Variants in GLCE observed in about 807,000 individuals in gnomAD.
GLCE encodes the protein glucuronic acid epimerase, also known as D-glucuronyl C5-epimerase.
In GLCE, 19 loss-of-function variants were observed where a neutral mutation model predicts 47.9. The observed-to-expected ratio is 0.40, with a 90% CI of 0.28 to 0.58. The LOEUF (loss-of-function observed/expected upper bound fraction) is 0.58, where lower values mean the gene tolerates loss of function less well. Among genes scored for constraint, GLCE ranks in the 20% least tolerant of loss-of-function variants. The pLI is 0.48. For missense variants in GLCE, 556 were observed against 743.3 expected (o/e 0.75, Z 2.93); for synonymous variants, 245 against 263.4 (o/e 0.93, Z 0.68).
chr15:69,182,136 T>G (rs139254780), intron 1 of GLCE, among the ~76,000 whole-genome samples: 2 of 151,942 alleles, frequency 1.3e-5, no homozygotes, highest in African/African-American at 4.8e-5. Flanking sequence ...AAAGTTGAAA[T>G]AGTTATGTAA....
At chr15:69,223,690 A>G (rs2052407475) in intron 2 of GLCE, among the ~76,000 whole-genome samples, 1 of 150,040 alleles carries the variant, frequency 6.7e-6, no homozygotes, top group Non-Finnish European at 1.5e-5. Flanking sequence ...TCCTTTCAAA[A>G]CTCCCACAAT....
intron 2 of GLCE, among the ~76,000 whole-genome samples, chr15:69,230,200 T>TC (rs567521023): frequency 1.3e-4 from 16 of 126,636 alleles, no homozygotes; most frequent in African/African-American, 4.5e-4. Flanking sequence ...AGAGAGAAAC[T>TC]CCATCTCGAT....
intron 1 of GLCE, among the ~76,000 whole-genome samples, chr15:69,186,807 T>C (rs1169922760): frequency 3.9e-5 from 6 of 152,220 alleles, no homozygotes. Context: ...CTTTAGGGCT[T>C]TGTGTAGCTT....
chr15:69,233,169 G>A (rs2052548364), intron 2 of GLCE, among the ~76,000 whole-genome samples: 1 of 152,098 alleles, frequency 6.6e-6, no homozygotes, highest in South Asian at 2.1e-4. Context: ...TTTCAGAAAA[G>A]TATGTTCAAG....
chr15:69,175,505 A>C (rs545251238), intron 1 of GLCE, among the ~76,000 whole-genome samples: 1 of 152,346 alleles, frequency 6.6e-6, no homozygotes, highest in Admixed American at 6.5e-5. Flanking sequence ...AGTTTAATGA[A>C]TAAAATAGAA....
rs74411419 is a variant in GLCE, at chr15:69,221,351, A to T, written c.-14+10945A>T. Among the ~76,000 whole-genome samples, 1,521 of 152,272 alleles carry T rather than the reference A, an allele frequency of 1.0e-2. 22 individuals are homozygous for T. Among genetic ancestry groups the T allele is most frequent in the African/African-American group, 0.032 (1,344 of 41,546 alleles). ...TGCTTTGTGTAGTGCTGACATTTTA[A>T]CAATATTATGTCTTCCAATCCATGA... On this transcript the variant is annotated intron_variant, in intron 2 of 4. Coordinates refer to ENST00000261858, the MANE Select transcript of GLCE (RefSeq NM_015554.3).
At chr15:69,264,346 A>AT (rs570572233) in intron 4 of GLCE, among the ~76,000 whole-genome samples, 37 of 152,172 alleles carry the variant, frequency 2.4e-4, no homozygotes, top group Admixed American at 5.2e-4. Flanking sequence ...TATGGCTAAT[A>AT]TTCTATTCTA....
chr15:69,233,236 A>T lies in GLCE; in HGVS notation c.-13-22558A>T, dbSNP rs114084505. Among the ~76,000 whole-genome samples the T allele has an allele frequency of 4.7e-3, 714 of 152,306 alleles. 8 individuals carry two copies. Among genetic ancestry groups the T allele is most frequent in the African/African-American group, 0.016 (668 of 41,570 alleles). ...ACCTCTAAGGATTTAGGTGTAAAGT[A>T]TGTGAAAAACATGTAAAAGATTCCA... On this transcript the variant is annotated intron_variant, in intron 2 of 4. Coordinates refer to ENST00000261858, the MANE Select transcript of GLCE (RefSeq NM_015554.3).
At chr15:69,220,355 T>C (rs925805869) in intron 2 of GLCE, among the ~76,000 whole-genome samples, 4 of 152,152 alleles carry the variant, frequency 2.6e-5, no homozygotes, top group Non-Finnish European at 5.9e-5. Flanking sequence ...TTATTTTTCT[T>C]TCTTTTATAC....
chr15:69,265,428 G>A (rs1202873775), intron 4 of GLCE, among the ~76,000 whole-genome samples: 2 of 152,118 alleles, frequency 1.3e-5, no homozygotes, highest in African/African-American at 4.8e-5. Context: ...AACGTCCTCT[G>A]TATATCTATA....
chr15:69,270,812 G>C lies in GLCE; in HGVS notation c.*1568G>C, dbSNP rs2053157589. On this transcript the variant is annotated 3_prime_UTR_variant, in exon 5 of 5. Coordinates refer to ENST00000261858, the MANE Select transcript of GLCE (RefSeq NM_015554.3). ...AGACTGGCCATAGAAAAGTAAGCTT[G>C]AACTCCCAATTGATGTGACCACACT... is the stretch of plus-strand genomic sequence containing the variant. The C allele has an allele frequency of 7.1e-6, 1 of 141,642 alleles. No homozygotes were observed. The highest frequency in any genetic ancestry group is 1.6e-5 in the Non-Finnish European group (1 of 63,240). 8.8% of individuals were successfully genotyped at this position (141,642 alleles called of 1,614,324 possible).
chr15:69,235,378 G>A (rs903918433), intron 2 of GLCE, among the ~76,000 whole-genome samples: 24 of 144,064 alleles, frequency 1.7e-4, no homozygotes, highest in Non-Finnish European at 2.8e-4. Context: ...AAAGTGCTGG[G>A]ATTACAGGTA....
At chr15:69,186,524 T>C (rs1398195919) in intron 1 of GLCE, among the ~76,000 whole-genome samples, 1 of 152,174 alleles carries the variant, frequency 6.6e-6, no homozygotes, top group Non-Finnish European at 1.5e-5. Flanking sequence ...AATAGTAAAC[T>C]GTAGGCAGTT....
In GLCE at chr15:69,196,637, G is replaced by T; in HGVS notation, c.-104-13679G>T. ...TGCCCGGCCATCAAAAGTTGGCAAC[G>T]ACCAATTGAGAGCAATCATCGAAGC... On this transcript the variant is annotated intron_variant, in intron 1 of 4. Transcript: ENST00000261858. The T allele has an allele frequency of 1.9e-5, 3 of 161,886 alleles. No individual in the cohort carries two copies. The South Asian group carries it at 5.0e-4, about 27-fold the overall frequency. 10.0% of individuals were successfully genotyped at this position (161,886 alleles called of 1,614,324 possible).
chr15:69,173,619 C>T (rs746525729), intron 1 of GLCE, among the ~76,000 whole-genome samples: 2 of 151,694 alleles, frequency 1.3e-5, no homozygotes, highest in African/African-American at 4.8e-5. Flanking sequence ...CATTCACTCC[C>T]TGAGGCACTA....
At chr15:69,166,268 A>G (rs573510533) in intron 1 of GLCE, among the ~76,000 whole-genome samples, 10 of 152,260 alleles carry the variant, frequency 6.6e-5, no homozygotes, top group Non-Finnish European at 1.3e-4. Context: ...TTATCTACTA[A>G]GATGCAGACT....
At chr15:69,191,159 TTGTA>T (rs2051906756) in intron 1 of GLCE, among the ~76,000 whole-genome samples, 1 of 152,190 alleles carries the variant, frequency 6.6e-6, no homozygotes, top group African/African-American at 2.4e-5. Context: ...CCTCATGTCT[TTGTA>T]TGGTTCCATG....
In GLCE at chr15:69,179,672, C is replaced by T. The variant is rs1249168; in HGVS notation, c.-105+18915C>T. ...TTATAGGGGAGATAATAGAGATATA[C>T]CAACAATTCAGTACAAAGAACAACA... On this transcript the variant is annotated intron_variant, in intron 1 of 4. Transcript: ENST00000261858. Among the ~76,000 whole-genome samples, 727 of 152,168 alleles carry T rather than the reference C, an allele frequency of 4.8e-3. 8 individuals carry two copies. The highest frequency in any genetic ancestry group is 0.017 in the African/African-American group (698 of 41,526).
intron 2 of GLCE, among the ~76,000 whole-genome samples, chr15:69,243,190 G>T (rs1025908253): frequency 3.9e-5 from 6 of 152,086 alleles, no homozygotes; most frequent in African/African-American, 1.4e-4. Flanking sequence ...TGTCAGGTAG[G>T]AGGCCCAGTA....
Sources: gnomAD v4.1 joint callset for allele counts (sites outside exome capture counted in the v4.1 genomes callset) on GRCh38, gnomAD v4.1.1 for gene constraint, MANE v1.5 for transcripts, NCBI Gene and HGNC (gene_info 2026-07-23, HGNC 2026-07-21) for gene names.